Variants in CDH4 observed in about 807,000 individuals in gnomAD.
CDH4 encodes the protein cadherin-4.
In CDH4, 33 loss-of-function variants were observed where a neutral mutation model predicts 86.0. The ratio of observed to expected loss-of-function variants is 0.38; its 90% CI spans 0.29 to 0.51. CDH4 has a LOEUF of 0.51. Ranked by LOEUF, CDH4 falls within the 20% of genes least tolerant of loss-of-function variation. CDH4 has a pLI of 0.86. For missense variants in CDH4, 1,114 were observed against 1,307.4 expected (o/e 0.85, Z 2.28); for synonymous variants, 555 against 549.4 (o/e 1.01, Z -0.14).
At chr20:61,747,567 GA>G (rs2088431497) in intron 3 of CDH4, among the ~76,000 whole-genome samples, 1 of 152,040 alleles carries the variant, frequency 6.6e-6, no homozygotes, top group Non-Finnish European at 1.5e-5. Flanking sequence ...GAGATAATTA[GA>G]AGGTATAAAA....
chr20:61,479,214 T>A (rs186614852), intron 2 of CDH4, among the ~76,000 whole-genome samples: 160 of 152,270 alleles, frequency 1.1e-3, no homozygotes, highest in African/African-American at 1.6e-3. Flanking sequence ...TGTTTTTTTT[T>A]AAATACTTTA....
At chr20:61,741,589 T>G (rs1357840161) in intron 2 of CDH4, among the ~76,000 whole-genome samples, 2 of 152,090 alleles carry the variant, frequency 1.3e-5, no homozygotes, top group African/African-American at 4.8e-5. Context: ...CCTCCCAGGT[T>G]CACGCCATTC....
At chr20:61,931,860 C>G (rs2055114967) in intron 13 of CDH4, among the ~76,000 whole-genome samples, 1 of 152,106 alleles carries the variant, frequency 6.6e-6, no homozygotes, top group Non-Finnish European at 1.5e-5. Flanking sequence ...GACTTTACCT[C>G]TCTTCAATTT....
intron 4 of CDH4, among the ~76,000 whole-genome samples, chr20:61,799,471 G>A (rs377534860): frequency 1.2e-4 from 19 of 152,178 alleles, no homozygotes; most frequent in East Asian, 9.7e-4. Context: ...TGTGCTAACC[G>A]TTAACCATTG....
At chr20:61,832,044 A>G (rs1981644581) in intron 4 of CDH4, among the ~76,000 whole-genome samples, 1 of 152,196 alleles carries the variant, frequency 6.6e-6, no homozygotes, top group Admixed American at 6.5e-5. Flanking sequence ...AGTTGGGTGG[A>G]TGCTGCTGCC....
intron 2 of CDH4, among the ~76,000 whole-genome samples, chr20:61,515,922 C>A (rs2085815932): frequency 6.6e-6 from 1 of 152,008 alleles, no homozygotes; most frequent in Admixed American, 6.6e-5. Context: ...TGGAGTCTAT[C>A]CCCCCCATCC....
chr20:61,555,474 C>T (rs2086170611), intron 2 of CDH4, among the ~76,000 whole-genome samples: 1 of 152,168 alleles, frequency 6.6e-6, no homozygotes, highest in African/African-American at 2.4e-5. Flanking sequence ...GACAGGGTCT[C>T]ATCCTCCCAG....
chr20:61,799,895 C>A (rs1217628879), intron 4 of CDH4, among the ~76,000 whole-genome samples: 1 of 152,182 alleles, frequency 6.6e-6, no homozygotes, highest in African/African-American at 2.4e-5. Context: ...TCGAGTGGGG[C>A]CTCTGCAGTG....
Position 61,843,327 on chromosome 20 carries a change from G to A in CDH4, c.577-1341G>A, listed in dbSNP as rs1363157730. Among the ~76,000 whole-genome samples, 7 of 151,708 alleles carry A rather than the reference G, an allele frequency of 4.6e-5. No individual in the cohort carries two copies. In the East Asian group the frequency reaches 1.4e-3, roughly 29 times the overall value. On this transcript the variant is annotated intron_variant, in intron 4 of 15. Coordinates refer to ENST00000614565, the MANE Select transcript of CDH4 (RefSeq NM_001794.5). ...TAGCCGGGCGCGGTGGCGGGCGCCT[G>A]TAGTCCCAGCTACTCAGGAGGCTGA...
intron 8 of CDH4, 93 bp from the exon 9 acceptor site, chr20:61,910,329 A>G: frequency 9.0e-7 from 1 of 1,113,192 alleles, no homozygotes; most frequent in African/African-American, 1.5e-5. Context: ...CTGTTTGTGA[A>G]CACTCGTTGA....
rs144175424 is a variant in CDH4, at chr20:61,633,112, G to A, written c.170-110451G>A. Reference sequence around the variant, plus strand: ...TGTTCATCTATCCATCCATCCATCCGTCCATTCACCCACCCATTCATGCAT... The same window carrying A: ...TGTTCATCTATCCATCCATCCATCCATCCATTCACCCACCCATTCATGCAT... On this transcript the variant is annotated intron_variant, in intron 2 of 15. Transcript: ENST00000614565. 1.1e-3 allele frequency among the ~76,000 whole-genome samples: 155 copies of A among 136,616 alleles called. 2 individuals carry two copies. The East Asian group carries it at 0.025, about 22-fold the overall frequency. 89.6% of individuals were successfully genotyped at this position (136,616 alleles called of 152,430 possible).
intron 2 of CDH4, among the ~76,000 whole-genome samples, chr20:61,445,160 G>A (rs2085341593): frequency 6.6e-6 from 1 of 152,088 alleles, no homozygotes; most frequent in African/African-American, 2.4e-5. Flanking sequence ...ATCCCAGCCT[G>A]ACCCTGGCCA....
intron 3 of CDH4, chr20:61,755,103 C>T (rs989584937): frequency 1.3e-5 from 2 of 152,138 alleles, no homozygotes; most frequent in Non-Finnish European, 2.9e-5. Context: ...CCCTGATAAA[C>T]CCATCAGATC....
chr20:61,711,533 C>T (rs1336112353), intron 2 of CDH4, among the ~76,000 whole-genome samples: 1 of 152,220 alleles, frequency 6.6e-6, no homozygotes, highest in Non-Finnish European at 1.5e-5. Context: ...ACAGCCTCTC[C>T]CATCTCCCTC....
At chr20:61,402,404 G>GTTTT in intron 2 of CDH4, among the ~76,000 whole-genome samples, 1 of 152,174 alleles carries the variant, frequency 6.6e-6, no homozygotes, top group Non-Finnish European at 1.5e-5. Flanking sequence ...TTGTTTGTTT[G>GTTTT]TTTGTTTTGA....
Position 61,755,368 on chromosome 20 carries a change from C to CCACACA in CDH4, c.396+11595_396+11600dup, listed in dbSNP as rs35461836. Among the ~76,000 whole-genome samples the CCACACA allele has an allele frequency of 6.9e-5, 10 of 144,776 alleles. 1 individual carries two copies. Among genetic ancestry groups the CCACACA allele is most frequent in the African/African-American group, 2.3e-4 (9 of 38,716 alleles). 95.0% of individuals were successfully genotyped at this position (144,776 alleles called of 152,430 possible). Reference sequence around the variant, plus strand: ...ACACACATAGTGCATGCCACACACACCACACACACACACACACACACGCCC... The same window carrying CCACACA: ...ACACACATAGTGCATGCCACACACACCACACACACACACACACACACACACACGCCC... On this transcript the variant is annotated intron_variant, in intron 3 of 15. Transcript: ENST00000614565.
chr20:61,297,198 C>A (rs541698132), intron 2 of CDH4, among the ~76,000 whole-genome samples: 13 of 152,212 alleles, frequency 8.5e-5, no homozygotes, highest in African/African-American at 3.1e-4. Flanking sequence ...CCAGCCTGGC[C>A]AACGTGGCAA....
chr20:61,495,833 G>A (rs1346052031), intron 2 of CDH4, among the ~76,000 whole-genome samples: 1 of 150,294 alleles, frequency 6.7e-6, no homozygotes, highest in Non-Finnish European at 1.5e-5. Flanking sequence ...AACTCAGGTG[G>A]TGGAGGTTGT....
Position 61,534,665 on chromosome 20 carries a change from C to CTTTTTTTTTTTTTTTTTTTTTTT in CDH4, c.170-208876_170-208875insTTTTTTTTTTTTTTTTTTTTTTT, listed in dbSNP as rs34309371. ...CTTTCTTTCTTTTCTTTCTTTCTTT[C>CTTTTTTTTTTTTTTTTTTTTTTT]TTTTTTTTTTTTTTTTTTTTTTGAG... On this transcript the variant is annotated intron_variant, in intron 2 of 15. Transcript: ENST00000614565. 7.8e-4 allele frequency among the ~76,000 whole-genome samples: 59 copies of CTTTTTTTTTTTTTTTTTTTTTTT among 76,044 alleles called. 3 individuals are homozygous for CTTTTTTTTTTTTTTTTTTTTTTT. Among genetic ancestry groups the CTTTTTTTTTTTTTTTTTTTTTTT allele is most frequent in the African/African-American group, 5.6e-3 (52 of 9,300 alleles). The allele number at this position is 76,044 out of a possible 152,430, so 49.9% of individuals were successfully genotyped here.
Sources: allele counts gnomAD v4.1 joint callset (sites outside exome capture counted in the v4.1 genomes callset), GRCh38; gene constraint gnomAD v4.1.1; transcripts MANE v1.5; gene names NCBI Gene and HGNC (gene_info 2026-07-23, HGNC 2026-07-21).